WIF1: variants seen among roughly 807,000 people sequenced by gnomAD.
The protein encoded by WIF1 is Wnt inhibitory factor 1.
A neutral mutation model predicts 53.5 loss-of-function variants in WIF1; 35 were observed. The observed-to-expected ratio is 0.65, with a 90% CI of 0.50 to 0.87. The LOEUF is 0.87. WIF1 is among the 40% of genes least tolerant of loss of function. The probability of loss-of-function intolerance (pLI) is 0.00; values close to 1 mark genes in which losing one functional copy is unlikely to be tolerated. For missense variants in WIF1, 467 were observed against 476.8 expected (o/e 0.98, Z 0.19); for synonymous variants, 171 against 170.4 (o/e 1.00, Z -0.03).
At chr12:65,108,213 C>A (rs966558540) in intron 2 of WIF1, among the ~76,000 whole-genome samples, 1 of 152,124 alleles carries the variant, frequency 6.6e-6, no homozygotes, top group Non-Finnish European at 1.5e-5. Context: ...GCATCATATC[C>A]AATTTACATT....
At chr12:65,108,722 C>T (rs2136293225) in intron 2 of WIF1, among the ~76,000 whole-genome samples, 1 of 152,274 alleles carries the variant, frequency 6.6e-6, no homozygotes, top group South Asian at 2.1e-4. Flanking sequence ...CTTAGTCAAG[C>T]ATCCCATCAT....
intron 9 of WIF1, among the ~76,000 whole-genome samples, chr12:65,052,508 G>T (rs145279474): frequency 6.6e-6 from 1 of 152,176 alleles, no homozygotes; most frequent in Non-Finnish European, 1.5e-5. Flanking sequence ...ATCATGCCTG[G>T]GTCCCTGGAA....
intron 2 of WIF1, among the ~76,000 whole-genome samples, chr12:65,098,329 A>G (rs1883234326): frequency 6.6e-6 from 1 of 152,192 alleles, no homozygotes; most frequent in Non-Finnish European, 1.5e-5. Flanking sequence ...TAAACAGGCC[A>G]GTCTTCACAA....
Position 65,121,033 on chromosome 12 carries a change from G to T in WIF1, c.148+11C>A. The T allele has an allele frequency of 6.9e-7, 1 of 1,453,612 alleles. No homozygotes were observed. Among genetic ancestry groups the T allele is most frequent in the Non-Finnish European group, 9.2e-7 (1 of 1,092,138 alleles). 90.0% of individuals were successfully genotyped at this position (1,453,612 alleles called of 1,614,324 possible). ...ATAGGCAGGGGAAGGCGCTGGAGGC[G>T]GGGGCCTTACCTATGAGTACTCTTG... is the stretch of plus-strand genomic sequence containing the variant. On this transcript the variant is annotated intron_variant, in intron 1 of 9. Transcript: ENST00000286574.
At chr12:65,075,218 G>A (rs773749794) in intron 3 of WIF1, among the ~76,000 whole-genome samples, 1 of 152,158 alleles carries the variant, frequency 6.6e-6, no homozygotes, top group Non-Finnish European at 1.5e-5. Flanking sequence ...GAAACTCTGT[G>A]TTTATTTAGT....
chr12:65,115,843 G>A (rs1053773143), intron 2 of WIF1, among the ~76,000 whole-genome samples: 1 of 152,174 alleles, frequency 6.6e-6, no homozygotes, highest in African/African-American at 2.4e-5. Flanking sequence ...GACCTCAAAA[G>A]AAATTGATGA....
At chr12:65,087,256 C>A (rs1471605085) in intron 2 of WIF1, among the ~76,000 whole-genome samples, 1 of 152,188 alleles carries the variant, frequency 6.6e-6, no homozygotes, top group Non-Finnish European at 1.5e-5. Flanking sequence ...CTCCTTCATG[C>A]ATTTCACATG....
At chr12:65,120,976 C>G in intron 1 of WIF1, 68 bp downstream of exon 1, 1 of 1,360,604 alleles carries the variant, frequency 7.3e-7, no homozygotes, top group Non-Finnish European at 9.5e-7. Context: ...ACGCAGGTAT[C>G]CCTCTTTCTT....
At chr12:65,086,403 A>G (rs1244286426) in intron 2 of WIF1, among the ~76,000 whole-genome samples, 1 of 152,132 alleles carries the variant, frequency 6.6e-6, no homozygotes, top group Non-Finnish European at 1.5e-5. Context: ...GGAGGAAGGA[A>G]GCATTAGGCA....
chr12:65,093,545 T>C (rs1329760333), intron 2 of WIF1, among the ~76,000 whole-genome samples: 3 of 152,156 alleles, frequency 2.0e-5, no homozygotes, highest in African/African-American at 4.8e-5. Context: ...TGTATACCTA[T>C]TTAATGGTAA....
chr12:65,068,684 TG>T, intron 4 of WIF1, 79 bp downstream of exon 4: 1 of 1,403,140 alleles, frequency 7.1e-7, no homozygotes, highest in Non-Finnish European at 9.8e-7. Context: ...TGTGTGTGTG[TG>T]TATAGATATA....
intron 9 of WIF1, 47 bp from the exon 10 acceptor site, chr12:65,051,517 G>C (rs541496816): frequency 3.3e-6 from 5 of 1,512,978 alleles, no homozygotes; most frequent in African/African-American, 1.4e-5. Flanking sequence ...ACAAAACCAG[G>C]CTCTTCAGAT....
intron 2 of WIF1, among the ~76,000 whole-genome samples, chr12:65,109,631 T>C (rs1323132429): frequency 1.3e-5 from 2 of 152,238 alleles, no homozygotes; most frequent in Non-Finnish European, 2.9e-5. Flanking sequence ...AAATGTTCTT[T>C]GAATTGTTAC....
intron 2 of WIF1, among the ~76,000 whole-genome samples, chr12:65,116,892 C>A (rs1254038929): frequency 7.0e-6 from 1 of 141,864 alleles, no homozygotes; most frequent in African/African-American, 2.7e-5. Flanking sequence ...AAGATCACCC[C>A]ACTACACTCC....
At chr12:65,120,316 C>A in intron 2 of WIF1, 101 bp downstream of exon 2, 1 of 1,264,142 alleles carries the variant, frequency 7.9e-7, no homozygotes, top group Non-Finnish European at 1.0e-6. Flanking sequence ...AGAAATTTCT[C>A]TTAATAACTG....
In WIF1 at chr12:65,066,590, T is replaced by C. The variant is rs1882689623; in HGVS notation, c.730+51A>G. 4.0e-6 allele frequency: 6 copies of C among 1,486,828 alleles called. No homozygotes were observed. In the East Asian group the frequency reaches 1.4e-4, roughly 35 times the overall value. The allele number at this position is 1,486,828 out of a possible 1,614,324, so 92.1% of individuals were successfully genotyped here. On this transcript the variant is annotated intron_variant, in intron 6 of 9. Transcript: ENST00000286574. ...GGACATATAAAGTAACTTATTCTAA[T>C]CAAACATTTTAAAAGTAAAAATAAC...
intron 2 of WIF1, among the ~76,000 whole-genome samples, chr12:65,111,026 G>A (rs558409141): frequency 3.9e-5 from 6 of 152,264 alleles, no homozygotes; most frequent in African/African-American, 1.2e-4. Flanking sequence ...CTAGGCAGAG[G>A]AAACTTCACG....
intron 8 of WIF1, among the ~76,000 whole-genome samples, chr12:65,055,730 G>A (rs1048889645): frequency 3.9e-5 from 6 of 152,186 alleles, no homozygotes; most frequent in Non-Finnish European, 7.3e-5. Flanking sequence ...GGCCTAGATC[G>A]CGCCACTGCA....
intron 2 of WIF1, among the ~76,000 whole-genome samples, chr12:65,088,226 A>G (rs1365922176): frequency 6.6e-6 from 1 of 152,188 alleles, no homozygotes; most frequent in Non-Finnish European, 1.5e-5. Context: ...TACACACAAC[A>G]GTTTCATAGT....
Sources: gnomAD v4.1 joint callset for allele counts (sites outside exome capture counted in the v4.1 genomes callset) on GRCh38, gnomAD v4.1.1 for gene constraint, MANE v1.5 for transcripts, NCBI Gene and HGNC (gene_info 2026-07-23, HGNC 2026-07-21) for gene names.